The following FAM185A variants were observed in gnomAD, a reference collection of about 807,000 sequenced individuals.
FAM185A encodes the protein protein FAM185A.
A neutral mutation model predicts 45.7 loss-of-function variants in FAM185A; 21 were observed. The observed-to-expected ratio is 0.46, with a 90% CI of 0.33 to 0.66. The LOEUF (loss-of-function observed/expected upper bound fraction) is 0.66. Among genes scored for constraint, FAM185A ranks in the 30% least tolerant of loss-of-function variants. The pLI is 0.03. For missense variants in FAM185A, 305 were observed against 485.4 expected (o/e 0.63, Z 3.49); for synonymous variants, 117 against 194.0 (o/e 0.60, Z 3.30).
chr7:102,814,684 C>A, the FAM185A span, among the ~76,000 whole-genome samples: 6 of 152,176 alleles, frequency 3.9e-5, no homozygotes, highest in Non-Finnish European at 8.8e-5. Flanking sequence ...TATACTAATT[C>A]CTAGTTTGGA....
At chr7:102,842,736 G>A in the FAM185A span, among the ~76,000 whole-genome samples, 1 of 152,148 alleles carries the variant, frequency 6.6e-6, no homozygotes, top group Non-Finnish European at 1.5e-5. Context: ...GTACTCCTGG[G>A]CCTTTCTGAC....
intron 7 of FAM185A, among the ~76,000 whole-genome samples, chr7:102,804,322 TATAATA>T (rs1286601776): frequency 1.3e-5 from 2 of 152,206 alleles, no homozygotes; most frequent in Non-Finnish European, 2.9e-5. Flanking sequence ...ATGGTACTGG[TATAATA>T]ATAGGCACAT....
Position 102,784,707 on chromosome 7 carries a change from C to G in FAM185A, c.932-2628C>G, listed in dbSNP as rs192567282. 6.6e-3 allele frequency among the ~76,000 whole-genome samples: 1,000 copies of G among 152,272 alleles called. 9 individuals carry two copies. The highest frequency in any genetic ancestry group is 0.023 in the African/African-American group (945 of 41,556). On this transcript the variant is annotated intron_variant, in intron 6 of 7. Coordinates refer to ENST00000413034, the MANE Select transcript of FAM185A (RefSeq NM_001145268.2). ...TCAAAATAATAAGAGCTATCTATGA[C>G]AAACCCACAGCCAATATCATACTGA...
rs1004861161 is a variant in FAM185A at position 102,808,532 on chromosome 7, G to T, written c.*130G>T. On this transcript the variant is annotated 3_prime_UTR_variant, in exon 8 of 8. Transcript: ENST00000413034. The stretch of plus-strand genomic sequence containing the variant: ...AGAATGAATACTGGTGAACTGTTTT[G>T]GGAGGCTTTTTCAAAATTTGTGCTT... 1.5e-6 allele frequency: 1 copy of T among 649,228 alleles called. No homozygotes were observed. The highest frequency in any genetic ancestry group is 2.7e-6 in the Non-Finnish European group (1 of 374,874). 40.2% of individuals were successfully genotyped at this position (649,228 alleles called of 1,614,324 possible).
intron 3 of FAM185A, among the ~76,000 whole-genome samples, chr7:102,760,335 G>A (rs1239813011): frequency 6.6e-6 from 1 of 151,950 alleles, no homozygotes. Context: ...TTTTTGTTCT[G>A]TCATTAAATA....
At chr7:102,768,357 T>C (rs933873432) in intron 4 of FAM185A, among the ~76,000 whole-genome samples, 1 of 148,174 alleles carries the variant, frequency 6.7e-6, no homozygotes, top group African/African-American at 2.5e-5. Flanking sequence ...TCCTAGCTTT[T>C]TAAAAATCTT....
In FAM185A at chr7:102,809,127, C is replaced by A. The variant is rs939538410; in HGVS notation, c.*725C>A. ...ATGTGGGGACAATTAGCTTAGAATT[C>A]TTTATAATGTAGCTCTCACATGACA... On this transcript the variant is annotated 3_prime_UTR_variant, in exon 8 of 8. Coordinates refer to ENST00000413034, the MANE Select transcript of FAM185A (RefSeq NM_001145268.2). 2.6e-5 allele frequency: 4 copies of A among 152,148 alleles called. No individual in the cohort carries two copies. The highest frequency in any genetic ancestry group is 7.2e-5 in the African/African-American group (3 of 41,436). The allele number at this position is 152,148 out of a possible 1,614,324, so 9.4% of individuals were successfully genotyped here.
the FAM185A span, among the ~76,000 whole-genome samples, chr7:102,826,753 A>ATATATATATATATATATG: frequency 8.9e-6 from 1 of 112,246 alleles, no homozygotes; most frequent in Admixed American, 1.1e-4. Flanking sequence ...ATATATATAT[A>ATATATATATATATATATG]TATATATATA....
the FAM185A span, among the ~76,000 whole-genome samples, chr7:102,823,742 T>C: frequency 6.6e-6 from 1 of 152,252 alleles, no homozygotes; most frequent in Admixed American, 6.5e-5. Flanking sequence ...GCTTGGCTCT[T>C]GTTTTAACAT....
intron 7 of FAM185A, among the ~76,000 whole-genome samples, chr7:102,803,128 T>C (rs1307467355): frequency 6.6e-6 from 1 of 152,130 alleles, no homozygotes; most frequent in African/African-American, 2.4e-5. Context: ...ACCAATCCTA[T>C]TGACACTATT....
downstream of FAM185A, chr7:102,813,473 G>T (rs1797582225): frequency 6.2e-7 from 1 of 1,613,990 alleles, no homozygotes; most frequent in African/African-American, 1.3e-5. Context: ...CAACGTGGAG[G>T]GTCATTAGTG....
the FAM185A span, among the ~76,000 whole-genome samples, chr7:102,835,037 A>G: frequency 6.6e-6 from 1 of 152,196 alleles, no homozygotes; most frequent in Non-Finnish European, 1.5e-5. Context: ...GACACCAATA[A>G]TAATAAAGAT....
the FAM185A span, chr7:102,822,224 A>C: frequency 6.2e-7 from 1 of 1,612,308 alleles, no homozygotes; most frequent in East Asian, 2.2e-5. Context: ...AGCCAAAGTA[A>C]GTACTGGTTA....
At position 102,782,726 on chromosome 7, in the gene FAM185A, G is replaced by A. The variant is rs527802640; in HGVS notation, c.932-4609G>A. Among the ~76,000 whole-genome samples, 255 of 152,236 alleles carry A rather than the reference G, an allele frequency of 1.7e-3. 1 individual carries two copies. The highest frequency in any genetic ancestry group is 5.7e-3 in the African/African-American group (235 of 41,532). ...AAATTGTGAAGACCATCGAGGCTAG[G>A]AAGAAACTGCATCAACTAATGAGCA... On this transcript the variant is annotated intron_variant, in intron 6 of 7. Coordinates refer to ENST00000413034, the MANE Select transcript of FAM185A (RefSeq NM_001145268.2).
chr7:102,836,441 C>G, the FAM185A span, among the ~76,000 whole-genome samples: 1 of 152,184 alleles, frequency 6.6e-6, no homozygotes, highest in East Asian at 1.9e-4. Flanking sequence ...CATTTCCCCC[C>G]TACAGATAAG....
At chr7:102,814,670 A>G in the FAM185A span, among the ~76,000 whole-genome samples, 1 of 152,250 alleles carries the variant, frequency 6.6e-6, no homozygotes, top group Non-Finnish European at 1.5e-5. Flanking sequence ...AAAAGCAATT[A>G]TCATATACTA....
chr7:102,807,158 G>T (rs1330300299), intron 7 of FAM185A, among the ~76,000 whole-genome samples: 1 of 151,660 alleles, frequency 6.6e-6, no homozygotes, highest in African/African-American at 2.4e-5. Flanking sequence ...CCATAGTGCC[G>T]CAAAGCTGAT....
At chr7:102,840,928 A>G in the FAM185A span, among the ~76,000 whole-genome samples, 1 of 152,202 alleles carries the variant, frequency 6.6e-6, no homozygotes, top group African/African-American at 2.4e-5. Context: ...TGTGAACCAG[A>G]GAGATCCTGG....
intron 7 of FAM185A, among the ~76,000 whole-genome samples, chr7:102,790,666 A>T (rs536325677): frequency 6.6e-6 from 1 of 152,384 alleles, no homozygotes; most frequent in East Asian, 1.9e-4. Flanking sequence ...TAGTTTTAAA[A>T]CTATTCTCAC....
Sources: gnomAD v4.1 joint callset for allele counts (sites outside exome capture counted in the v4.1 genomes callset) on GRCh38, gnomAD v4.1.1 for gene constraint, MANE v1.5 for transcripts, NCBI Gene and HGNC (gene_info 2026-07-23, HGNC 2026-07-21) for gene names.